Variants in SNAPC3 observed in about 807,000 individuals in gnomAD.
SNAPC3 encodes small nuclear RNA activating complex polypeptide 3, also known as snRNA-activating protein complex subunit 3.
Under a neutral mutation model 47.7 loss-of-function variants are expected in SNAPC3, and 56 were observed. That is an observed-to-expected ratio of 1.18 (90% CI 0.95 to 1.47). SNAPC3 has a LOEUF of 1.47. Ranked by LOEUF, SNAPC3 falls within the 40% of genes most tolerant of loss-of-function variation. The pLI, the probability that SNAPC3 is intolerant of heterozygous loss-of-function variation, is 0.00. For synonymous variants in SNAPC3, 235 were observed against 189.9 expected (o/e 1.24, Z -1.95); for missense variants, 665 against 511.3 (o/e 1.30, Z -2.90).
intron 2 of SNAPC3, among the ~76,000 whole-genome samples, chr9:15,430,234 C>T (rs2031964059): frequency 6.6e-6 from 1 of 152,136 alleles, no homozygotes; most frequent in Non-Finnish European, 1.5e-5. Context: ...AGTTTGAGAA[C>T]AGCCTCGGCA....
downstream of SNAPC3, chr9:15,461,690 TG>T (rs1175474086): frequency 6.6e-6 from 1 of 152,208 alleles, no homozygotes; most frequent in Non-Finnish European, 1.5e-5. Flanking sequence ...ATCTTACACA[TG>T]GAAAACTGAC....
At chr9:15,466,176 G>A (rs1784679899), downstream of SNAPC3, among the ~76,000 whole-genome samples, 1 of 152,194 alleles carries the variant, frequency 6.6e-6, no homozygotes, top group African/African-American at 2.4e-5. Flanking sequence ...TCAGGAGTTC[G>A]AGGCCGGGCT....
At chr9:15,427,664 T>G (rs1304875877) in intron 2 of SNAPC3, among the ~76,000 whole-genome samples, 2 of 152,186 alleles carry the variant, frequency 1.3e-5, no homozygotes, top group African/African-American at 4.8e-5. Flanking sequence ...AACATTACTT[T>G]TAATACAATA....
At position 15,451,300 on chromosome 9, in the gene SNAPC3, T is replaced by C. The variant is rs760516431; in HGVS notation, c.733-20T>C. On this transcript the variant is annotated intron_variant, in intron 5 of 8. Transcript: ENST00000380821. ...TTGTTAATAGTTGATTTTCTCTCAA[T>C]ACAATCTGTTTTCTTGTAGGACCTA... is the stretch of plus-strand genomic sequence containing the variant. 6.8e-6 allele frequency: 7 copies of C among 1,036,586 alleles called. No homozygotes were observed. The East Asian group carries it at 1.7e-4, about 25-fold the overall frequency. 64.2% of individuals were successfully genotyped at this position (1,036,586 alleles called of 1,614,324 possible).
chr9:15,465,451 C>T (rs1338103233), downstream of SNAPC3: 6 of 1,339,002 alleles, frequency 4.5e-6, no homozygotes, highest in Non-Finnish European at 6.2e-6. Context: ...TTAAAACTTT[C>T]AGCAGTCTAT....
At chr9:15,463,640 A>C (rs991968935), downstream of SNAPC3, 2 of 152,108 alleles carry the variant, frequency 1.3e-5, no homozygotes, top group African/African-American at 4.8e-5. Context: ...CTTAAGTCTT[A>C]TGAATAATTA....
intron 3 of SNAPC3, among the ~76,000 whole-genome samples, chr9:15,441,185 G>A (rs896234838): frequency 1.9e-4 from 4 of 21,520 alleles, no homozygotes; most frequent in African/African-American, 1.3e-3. Context: ...TTGCTGTAAC[G>A]TCTTTTTTTT....
At chr9:15,441,989 C>A (rs545807862) in intron 3 of SNAPC3, among the ~76,000 whole-genome samples, 10 of 152,114 alleles carry the variant, frequency 6.6e-5, no homozygotes, top group South Asian at 2.1e-4. Flanking sequence ...GGCGCCCCCC[C>A]ACCTCCCGGA....
chr9:15,423,278 G>C, intron 1 of SNAPC3, 85 bp downstream of exon 1: 2 of 1,339,608 alleles, frequency 1.5e-6, no homozygotes, highest in Non-Finnish European at 9.9e-7. Context: ...ACTCATCCCT[G>C]AGAAGGGCCT....
downstream of SNAPC3, chr9:15,465,492 G>A (rs2035557338): frequency 1.3e-6 from 2 of 1,491,876 alleles, no homozygotes; most frequent in African/African-American, 2.8e-5. Flanking sequence ...AACTTCTCAA[G>A]TGTTCTCTAT....
At chr9:15,428,545 C>A (rs1017531974) in intron 2 of SNAPC3, among the ~76,000 whole-genome samples, 7 of 150,654 alleles carry the variant, frequency 4.6e-5, no homozygotes, top group African/African-American at 1.7e-4. Context: ...TAAGTCTGTA[C>A]TCCAAACAGA....
chr9:15,449,928 A>AT (rs774894525), intron 5 of SNAPC3, among the ~76,000 whole-genome samples: 69 of 152,082 alleles, frequency 4.5e-4, no homozygotes, highest in Non-Finnish European at 7.5e-4. Flanking sequence ...TCACCTTGTA[A>AT]TTAATAATTA....
At chr9:15,436,276 G>C (rs2032794347) in intron 3 of SNAPC3, among the ~76,000 whole-genome samples, 1 of 152,192 alleles carries the variant, frequency 6.6e-6, no homozygotes, top group Non-Finnish European at 1.5e-5. Flanking sequence ...GCATCATGAA[G>C]ATTTTCCCAT....
At chr9:15,446,923 T>C (rs1327244450) in intron 4 of SNAPC3, among the ~76,000 whole-genome samples, 172 bp from the exon 5 acceptor site, 1 of 152,220 alleles carries the variant, frequency 6.6e-6, no homozygotes, top group Non-Finnish European at 1.5e-5. Context: ...TAAACAATTT[T>C]GACCATGAGT....
downstream of SNAPC3, chr9:15,463,586 C>G (rs1398730231): frequency 6.6e-6 from 1 of 151,924 alleles, no homozygotes; most frequent in African/African-American, 2.4e-5. Flanking sequence ...TTTGACCACA[C>G]ACACAAATTG....
Position 15,459,918 on chromosome 9 carries a change from A to G in SNAPC3, c.*52A>G. On this transcript the variant is annotated 3_prime_UTR_variant, in exon 9 of 9. Transcript: ENST00000380821. ...CCTCATGAAATAACTGTTCTCTTGG[A>G]TGGTTACCTTATTTCTAAGAAACGC... The G allele has an allele frequency of 3.3e-6, 5 of 1,521,212 alleles. No homozygotes were observed. The highest frequency in any genetic ancestry group is 4.5e-6 in the Non-Finnish European group (5 of 1,112,574). The allele number at this position is 1,521,212 out of a possible 1,614,324, so 94.2% of individuals were successfully genotyped here.
rs1264382354 is a variant in SNAPC3, at chr9:15,423,209, A to AG, written c.314+20dup. On this transcript the variant is annotated intron_variant, in intron 1 of 8. Transcript: ENST00000380821. ...CGGTGTGCGGGTGAGTGCGGAGCAA[A>AG]GGGGCTCTTGCAGCTTGGGGTCAAA... 6.4e-7 allele frequency: 1 copy of AG among 1,567,534 alleles called. No individual in the cohort carries two copies. The highest frequency in any genetic ancestry group is 8.6e-7 in the Non-Finnish European group (1 of 1,166,464).
intron 3 of SNAPC3, among the ~76,000 whole-genome samples, chr9:15,437,623 T>G (rs780018894): frequency 9.5e-5 from 10 of 105,738 alleles, no homozygotes; most frequent in African/African-American, 2.1e-4. Flanking sequence ...TGATCTGTTG[T>G]TTTTTTTTTT....
At chr9:15,439,772 G>A (rs574902233) in intron 3 of SNAPC3, among the ~76,000 whole-genome samples, 6 of 152,172 alleles carry the variant, frequency 3.9e-5, no homozygotes, top group East Asian at 1.9e-4. Context: ...AACCTCAAGT[G>A]ATCCACCTGC....
Sources: gnomAD v4.1 joint callset for allele counts (sites outside exome capture counted in the v4.1 genomes callset) on GRCh38, gnomAD v4.1.1 for gene constraint, MANE v1.5 for transcripts, NCBI Gene and HGNC (gene_info 2026-07-23, HGNC 2026-07-21) for gene names.